GABRG3: variants seen among roughly 807,000 people sequenced by gnomAD.
The protein encoded by GABRG3 is gamma-aminobutyric acid receptor subunit gamma-3.
GABRG3 carries 25 observed loss-of-function variants against 48.8 expected under a neutral mutation model. The observed-to-expected ratio is 0.51, with a 90% confidence interval of 0.37 to 0.72. The LOEUF (loss-of-function observed/expected upper bound fraction) is 0.72, where lower values mean the gene tolerates loss of function less well. Among genes scored for constraint, GABRG3 ranks in the 30% least tolerant of loss-of-function variants. GABRG3 has a pLI of 0.00. For synonymous variants in GABRG3, 227 were observed against 217.6 expected, an observed-to-expected ratio of 1.04 and a Z score of -0.38; for missense variants, 394 against 577.9, an observed-to-expected ratio of 0.68 and a Z score of 3.26.
At chr15:27,118,092 C>T (rs1897673249) in intron 3 of GABRG3, among the ~76,000 whole-genome samples, 1 of 152,200 alleles carries the variant, frequency 6.6e-6, no homozygotes, top group Non-Finnish European at 1.5e-5. Context: ...GACCATTCTT[C>T]AATGCTTTAG....
chr15:27,235,426 C>T (rs1889929281), intron 3 of GABRG3, among the ~76,000 whole-genome samples: 1 of 150,682 alleles, frequency 6.6e-6, no homozygotes, highest in Non-Finnish European at 1.5e-5. Flanking sequence ...ATTTGCTCCA[C>T]ATGGCTCACT....
intron 5 of GABRG3, among the ~76,000 whole-genome samples, chr15:27,460,660 C>G (rs532883518): frequency 2.6e-5 from 4 of 152,240 alleles, no homozygotes; most frequent in Middle Eastern, 3.4e-3. Context: ...TTCAGAGACT[C>G]TCTGATTTGT....
intron 3 of GABRG3, among the ~76,000 whole-genome samples, chr15:27,176,001 T>C (rs774406008): frequency 2.1e-4 from 32 of 150,670 alleles, no homozygotes; most frequent in Non-Finnish European, 8.9e-5. Context: ...CAAGCTGGGA[T>C]TCTGGCCTAT....
At chr15:27,295,856 T>C (rs1042337275) in intron 3 of GABRG3, among the ~76,000 whole-genome samples, 1 of 152,160 alleles carries the variant, frequency 6.6e-6, no homozygotes, top group Non-Finnish European at 1.5e-5. Flanking sequence ...TCTAGGCCAC[T>C]TCAAAGGAGC....
chr15:27,363,919 C>T (rs941969876), intron 5 of GABRG3: 2 of 152,176 alleles, frequency 1.3e-5, no homozygotes, highest in African/African-American at 4.8e-5. Context: ...TGATCCGTGG[C>T]CTGCCCTCTG....
At chr15:27,184,488 G>A (rs112716076) in intron 3 of GABRG3, among the ~76,000 whole-genome samples, 5 of 152,078 alleles carry the variant, frequency 3.3e-5, no homozygotes, top group Non-Finnish European at 5.9e-5. Context: ...CTTCTACACT[G>A]GCAACTGAAA....
At chr15:26,972,783 A>G (rs746036419) in intron 1 of GABRG3, among the ~76,000 whole-genome samples, 12 of 152,160 alleles carry the variant, frequency 7.9e-5, no homozygotes, top group Non-Finnish European at 1.5e-4. Context: ...TGAATTGGGC[A>G]GGGGTGCTTA....
At chr15:27,203,796 T>C (rs564076879) in intron 3 of GABRG3, among the ~76,000 whole-genome samples, 1 of 152,264 alleles carries the variant, frequency 6.6e-6, no homozygotes, top group Non-Finnish European at 1.5e-5. Context: ...AGTAGTGATA[T>C]TGAGCATTTT....
chr15:27,441,356 G>A (rs910418633), intron 5 of GABRG3, among the ~76,000 whole-genome samples: 3 of 152,112 alleles, frequency 2.0e-5, no homozygotes, highest in African/African-American at 7.2e-5. Context: ...CACGTGGCAG[G>A]TATTTTATTG....
intron 3 of GABRG3, among the ~76,000 whole-genome samples, chr15:27,044,803 C>A (rs539975002): frequency 6.6e-6 from 1 of 152,188 alleles, no homozygotes; most frequent in Non-Finnish European, 1.5e-5. Context: ...CTTATTTGAA[C>A]CTGGTTTAAC....
chr15:27,358,892 C>T (rs1894929649), intron 5 of GABRG3, among the ~76,000 whole-genome samples: 1 of 152,212 alleles, frequency 6.6e-6, no homozygotes, highest in Admixed American at 6.5e-5. Context: ...CCGTGCAATG[C>T]CCGCTCAGTG....
intron 5 of GABRG3, among the ~76,000 whole-genome samples, chr15:27,471,922 G>A (rs1889798959): frequency 6.6e-6 from 1 of 152,012 alleles, no homozygotes; most frequent in Non-Finnish European, 1.5e-5. Flanking sequence ...ACTTCTCCTG[G>A]CCATTCTTGC....
Position 26,977,144 on chromosome 15 carries a change from A to G in GABRG3, c.196A>G (p.Ile66Val). ...REYDKKLRPD[I>V]GIKPTVIDVD... is the part of the protein sequence containing the mutation. Reference sequence around the variant, plus strand: ...ATATGATAAAAAGCTGAGGCCAGATATTGGAAGTGAGTGTTGTTTTTTGTT... The same window carrying G: ...ATATGATAAAAAGCTGAGGCCAGATGTTGGAAGTGAGTGTTGTTTTTTGTT... Residue 66 changes from isoleucine to valine, a missense_variant, in exon 2 of 10, where the codon ATT becomes GTT. Transcript: ENST00000615808. 1 of 1,611,108 alleles carries G rather than the reference A, an allele frequency of 6.2e-7. No individual in the cohort carries two copies. Among genetic ancestry groups the G allele is most frequent in the Non-Finnish European group, 8.5e-7 (1 of 1,178,386 alleles).
chr15:27,145,595 ATATC>A lies in GABRG3; in HGVS notation c.270+118780_270+118783del, dbSNP rs1555405965. ...TTTACTCTACTAGGCATATATACAT[ATATC>A]TATCTCTATCTATCTATCTATCTAT... On this transcript the variant is annotated intron_variant, in intron 3 of 9. Transcript: ENST00000615808. Among the ~76,000 whole-genome samples, 24 of 63,068 alleles carry A rather than the reference ATATC, an allele frequency of 3.8e-4. 1 individual carries two copies. The highest frequency in any genetic ancestry group is 8.6e-4 in the Admixed American group (6 of 6,978). The allele number at this position is 63,068 out of a possible 152,430, so 41.4% of individuals were successfully genotyped here. A position where few individuals can be genotyped will look rare whatever the true frequency, so the allele number is the denominator to read the frequency against.
chr15:27,350,399 C>A, intron 5 of GABRG3: 1 of 307,980 alleles, frequency 3.2e-6, no homozygotes. Flanking sequence ...AAAATCAACT[C>A]GATATTTTCC....
intron 6 of GABRG3, among the ~76,000 whole-genome samples, chr15:27,509,531 A>T (rs997461546): frequency 6.6e-6 from 1 of 151,714 alleles, no homozygotes; most frequent in Non-Finnish European, 1.5e-5. Context: ...CTGATTTTTT[A>T]ACTCATATTT....
At chr15:27,217,233 C>G (rs1973063) in intron 3 of GABRG3, among the ~76,000 whole-genome samples, 9,199 of 152,184 alleles carry the variant, frequency 0.06, 636 homozygotes, top group African/African-American at 0.17. Flanking sequence ...ATGTTTATTG[C>G]GGCACTATTC....
At chr15:27,060,640 C>T (rs75909013) in intron 3 of GABRG3, among the ~76,000 whole-genome samples, 4,613 of 152,248 alleles carry the variant, frequency 0.03, 230 homozygotes, top group African/African-American at 0.11. Context: ...TGACGAGTCC[C>T]TGCCCAAAAG....
chr15:27,309,721 T>G (rs149485748), intron 3 of GABRG3, among the ~76,000 whole-genome samples: 1 of 152,186 alleles, frequency 6.6e-6, no homozygotes, highest in East Asian at 1.9e-4. Flanking sequence ...CAGGTTGAAA[T>G]ATAAAATTGT....
Sources: allele counts gnomAD v4.1 joint callset (sites outside exome capture counted in the v4.1 genomes callset), GRCh38; gene constraint gnomAD v4.1.1; transcripts MANE v1.5; gene names NCBI Gene and HGNC (gene_info 2026-07-23, HGNC 2026-07-21).